The following SHANK2 variants were observed in gnomAD, a reference collection of about 807,000 sequenced individuals.
SHANK2 encodes the protein SH3 and multiple ankyrin repeat domains protein 2.
In SHANK2, 43 loss-of-function variants were observed where a neutral mutation model predicts 133.7. That is an observed-to-expected ratio of 0.32 (90% CI 0.25 to 0.41). SHANK2 has a LOEUF of 0.41. Ranked by LOEUF, SHANK2 falls within the 10% of genes least tolerant of loss-of-function variation. The pLI, the probability that SHANK2 is intolerant of heterozygous loss-of-function variation, is 1.00. For synonymous variants in SHANK2, 1,017 were observed against 952.8 expected, an observed-to-expected ratio of 1.07 and a Z score of -1.24; for missense variants, 1,994 against 2,235.8, an observed-to-expected ratio of 0.89 and a Z score of 2.18.
chr11:70,933,123 C>T (rs564573737), intron 10 of SHANK2: 50 of 456,558 alleles, frequency 1.1e-4, no homozygotes, highest in African/African-American at 4.4e-4. Context: ...CAGTGTCCAC[C>T]GGCAGATAAA....
At chr11:70,837,608 T>A (rs1445609088) in intron 11 of SHANK2, among the ~76,000 whole-genome samples, 7 of 152,178 alleles carry the variant, frequency 4.6e-5, no homozygotes, top group Non-Finnish European at 7.3e-5. Context: ...CCAAGTAAAC[T>A]GTAAACTGCT....
chr11:70,782,603 C>G (rs1480846832), intron 14 of SHANK2, among the ~76,000 whole-genome samples: 20 of 152,240 alleles, frequency 1.3e-4, no homozygotes, highest in Non-Finnish European at 4.4e-5. Context: ...GCTGTGGGAG[C>G]AGTCATCCGC....
chr11:70,869,207 G>A (rs1949419429), intron 11 of SHANK2, among the ~76,000 whole-genome samples: 1 of 152,176 alleles, frequency 6.6e-6, no homozygotes, highest in Non-Finnish European at 1.5e-5. Flanking sequence ...CAGCCTTCCA[G>A]CCTCCAAAAC....
rs782796669 is a variant in SHANK2, at chr11:70,710,129, C to T, written c.1778-11366G>A. 5.9e-5 allele frequency among the ~76,000 whole-genome samples: 9 copies of T among 152,144 alleles called. No individual in the cohort carries two copies. The East Asian group carries it at 1.5e-3, about 26-fold the overall frequency. On this transcript the variant is annotated intron_variant, in intron 14 of 25. Transcript: ENST00000601538. ...CTGAAAACCCCTGTCCTGAGATGAA[C>T]GCGATTTTAGGGCTGCTGAGCGCCT...
intron 20 of SHANK2, 24 bp downstream of exon 20, chr11:70,501,899 T>C: frequency 6.4e-7 from 1 of 1,559,064 alleles, no homozygotes; most frequent in African/African-American, 1.4e-5. Context: ...GGAGCTGCTT[T>C]GGGGACCCAG....
chr11:71,085,784 TATAA>T (rs1951389208), intron 8 of SHANK2, among the ~76,000 whole-genome samples: 3 of 74,178 alleles, frequency 4.0e-5, no homozygotes, highest in African/African-American at 1.7e-4. Flanking sequence ...ATTTATATTA[TATAA>T]TATATGATAC....
chr11:71,085,628 AT>A (rs1223086323), intron 8 of SHANK2, among the ~76,000 whole-genome samples: 114 of 69,318 alleles, frequency 1.6e-3, no homozygotes, highest in Admixed American at 2.9e-3. Context: ...ATTATATATT[AT>A]AATATATATA....
chr11:70,594,641 G>T (rs558143046), intron 17 of SHANK2, among the ~76,000 whole-genome samples: 2 of 152,298 alleles, frequency 1.3e-5, no homozygotes, highest in South Asian at 2.1e-4. Context: ...TGGGTCCAGG[G>T]TTTCATTCTA....
intron 4 of SHANK2, among the ~76,000 whole-genome samples, chr11:71,118,009 A>G (rs782025593): frequency 1.3e-5 from 2 of 152,162 alleles, no homozygotes; most frequent in Non-Finnish European, 2.9e-5. Flanking sequence ...GTCAGAATTG[A>G]ATTAATTATT....
intron 2 of SHANK2, among the ~76,000 whole-genome samples, chr11:71,153,126 G>A (rs1436661398): frequency 6.6e-6 from 1 of 152,168 alleles, no homozygotes; most frequent in Admixed American, 6.5e-5. Flanking sequence ...CTAACCCCGT[G>A]AGGACCAGCA....
chr11:71,166,951 G>C (rs2135487923), intron 2 of SHANK2, among the ~76,000 whole-genome samples: 1 of 138,414 alleles, frequency 7.2e-6, no homozygotes, highest in Non-Finnish European at 1.6e-5. Context: ...CGCAGTGTTT[G>C]TGTCCCTGGG....
intron 2 of SHANK2, among the ~76,000 whole-genome samples, chr11:71,162,766 T>C (rs1258417582): frequency 1.2e-4 from 19 of 152,058 alleles, no homozygotes; most frequent in African/African-American, 3.4e-4. Flanking sequence ...CAAGTGGCAG[T>C]TATCTCAAAA....
At chr11:70,691,644 C>A (rs903118336) in intron 15 of SHANK2, among the ~76,000 whole-genome samples, 22 of 152,208 alleles carry the variant, frequency 1.4e-4, no homozygotes, top group Non-Finnish European at 4.4e-5. Flanking sequence ...GTAATCCCAG[C>A]ACTTTGGGAG....
chr11:71,125,994 C>T (rs1456132933), intron 3 of SHANK2, among the ~76,000 whole-genome samples: 9 of 151,894 alleles, frequency 5.9e-5, no homozygotes, highest in East Asian at 1.9e-4. Context: ...CCAAGGTGGG[C>T]GGATCATGAG....
intron 17 of SHANK2, among the ~76,000 whole-genome samples, chr11:70,648,596 G>T (rs782220827): frequency 6.6e-6 from 1 of 152,202 alleles, no homozygotes; most frequent in Admixed American, 6.5e-5. Flanking sequence ...AGGACCAGGG[G>T]TACAATTCCC....
intron 12 of SHANK2, among the ~76,000 whole-genome samples, chr11:70,817,041 C>T (rs561855339): frequency 5.9e-5 from 9 of 152,344 alleles, no homozygotes; most frequent in African/African-American, 1.7e-4. Flanking sequence ...TTCTGCCCCC[C>T]GAATGCATAT....
intron 9 of SHANK2, among the ~76,000 whole-genome samples, chr11:71,065,046 G>T (rs983581626): frequency 1.3e-5 from 2 of 152,180 alleles, no homozygotes; most frequent in Non-Finnish European, 2.9e-5. Flanking sequence ...TGCAGACGCC[G>T]AGAGATGCCA....
chr11:71,198,565 G>A (rs577733686), intron 2 of SHANK2, among the ~76,000 whole-genome samples: 2 of 152,184 alleles, frequency 1.3e-5, no homozygotes, highest in East Asian at 1.9e-4. Context: ...GTGAGTCCAC[G>A]AGCTGTGAGG....
chr11:70,655,743 C>T (rs750308117), intron 17 of SHANK2, among the ~76,000 whole-genome samples: 3 of 152,290 alleles, frequency 2.0e-5, no homozygotes, highest in Admixed American at 1.3e-4. Context: ...AGGAGATTAA[C>T]GCAGCACCTG....
Sources: gnomAD v4.1 joint callset for allele counts (sites outside exome capture counted in the v4.1 genomes callset) on GRCh38, gnomAD v4.1.1 for gene constraint, MANE v1.5 for transcripts, NCBI Gene and HGNC (gene_info 2026-07-23, HGNC 2026-07-21) for gene names.